The following ZFC3H1 variants were observed in gnomAD, a reference collection of about 807,000 sequenced individuals.
The protein encoded by ZFC3H1 is zinc finger C3H1-type containing.
Under a neutral mutation model 243.7 loss-of-function variants are expected in ZFC3H1, and 71 were observed. The ratio of observed to expected loss-of-function variants is 0.29; its 90% CI spans 0.24 to 0.36. ZFC3H1 has a LOEUF of 0.36. Among genes scored for constraint, ZFC3H1 ranks in the 10% least tolerant of loss-of-function variants. The pLI, the probability that ZFC3H1 is intolerant of heterozygous loss-of-function variation, is 1.00. For synonymous variants in ZFC3H1, 838 were observed against 813.0 expected (o/e 1.03, Z -0.52); for missense variants, 1,966 against 2,317.1 (o/e 0.85, Z 3.11).
chr12:71,656,529 A>G, intron 2 of ZFC3H1: 1 of 662,932 alleles, frequency 1.5e-6, no homozygotes, highest in Non-Finnish European at 2.7e-6. Flanking sequence ...AACCAGGAAT[A>G]GGAGTAAAAC....
chr12:71,659,563 A>G (rs1438900605), intron 1 of ZFC3H1, among the ~76,000 whole-genome samples: 1 of 152,092 alleles, frequency 6.6e-6, no homozygotes, highest in Admixed American at 6.5e-5. Flanking sequence ...AGCCATTTAA[A>G]GGCACAACTG....
chr12:71,662,986 C>T (rs747563489), intron 1 of ZFC3H1, 27 bp downstream of exon 1: 2 of 1,563,896 alleles, frequency 1.3e-6, no homozygotes, highest in Admixed American at 1.8e-5. Flanking sequence ...GTGACACACC[C>T]AGCGCCGACC....
Position 71,663,430 on chromosome 12 carries a change from C to A in ZFC3H1, c.181G>T (p.Ala61Ser). The change falls in exon 1 of 35, where the codon GCC becomes TCC. Residue 61 changes from alanine (A) to serine (S), a missense_variant. Transcript: ENST00000378743. ...CCTCCGCCAGATCCACCGCCCCGGG[C>A]CGAGTGAGGAGGCCTTCGCCGCGGA... ...PYPRRRPPHS[A>S]RGGGSGGGGG... The A allele has an allele frequency of 1.2e-6, 2 of 1,611,918 alleles. No homozygotes were observed. The highest frequency in any genetic ancestry group is 1.7e-6 in the Non-Finnish European group (2 of 1,180,038).
intron 26 of ZFC3H1, 42 bp from the exon 27 acceptor site, chr12:71,619,451 A>G (rs372389408): frequency 1.3e-6 from 2 of 1,566,000 alleles, no homozygotes; most frequent in Admixed American, 1.8e-5. Flanking sequence ...CAGGCTTACA[A>G]TGTTTAATTA....
At chr12:71,657,387 TCC>T in intron 1 of ZFC3H1, 86 bp from the exon 2 acceptor site, 1 of 997,182 alleles carries the variant, frequency 1.0e-6, no homozygotes, top group Non-Finnish European at 1.4e-6. Context: ...ATGAATTTTC[TCC>T]CTTTTTAATT....
At chr12:71,633,551 CAG>C in intron 12 of ZFC3H1, 113 bp from the exon 13 acceptor site, 1 of 776,690 alleles carries the variant, frequency 1.3e-6, no homozygotes, top group Non-Finnish European at 2.0e-6. Flanking sequence ...CTACGAGACA[CAG>C]ATAAAAATGT....
At chr12:71,631,224 A>G (rs1029801489) in intron 16 of ZFC3H1, among the ~76,000 whole-genome samples, 7 of 152,146 alleles carry the variant, frequency 4.6e-5, no homozygotes, top group African/African-American at 1.7e-4. Context: ...ACATAATAAA[A>G]TACTATATAA....
At chr12:71,641,474 G>C (rs1244255492) in intron 6 of ZFC3H1, among the ~76,000 whole-genome samples, 2 of 152,174 alleles carry the variant, frequency 1.3e-5, no homozygotes, top group African/African-American at 4.8e-5. Flanking sequence ...TCCAGTTCCT[G>C]GAATGCCAAC....
Position 71,610,548 on chromosome 12 carries a change from T to A in ZFC3H1, c.5850A>T (p.Ala1950=). 1 of 1,613,470 alleles carries A rather than the reference T, an allele frequency of 6.2e-7. No individual in the cohort carries two copies. Among genetic ancestry groups the A allele is most frequent in the Non-Finnish European group, 8.5e-7 (1 of 1,179,590 alleles). Residue 1950 remains alanine, a synonymous_variant, in exon 35 of 35, where the codon GCA becomes GCT. Coordinates refer to ENST00000378743, the MANE Select transcript of ZFC3H1 (RefSeq NM_144982.5). ...GGTTATCAGTTTTACCTCCTTCTGATGCTTCAAACAAGAGTTGCTGTAAAA... is the reference window on the plus strand; with the variant it reads ...GGTTATCAGTTTTACCTCCTTCTGAAGCTTCAAACAAGAGTTGCTGTAAAA... ...SLWKDQLLFE[A]SEGGKTDNLR...
chr12:71,656,415 T>G, intron 2 of ZFC3H1: 1 of 563,944 alleles, frequency 1.8e-6, no homozygotes, highest in Non-Finnish European at 3.1e-6. Flanking sequence ...AAATAAATTA[T>G]ATAATTCATT....
Position 71,634,827 on chromosome 12 carries a change from TAAAA to T in ZFC3H1, c.2239-6_2239-3del. On this transcript the variant is annotated splice_polypyrimidine_tract_variant and splice_region_variant and intron_variant, in intron 10 of 34. Coordinates refer to ENST00000378743, the MANE Select transcript of ZFC3H1 (RefSeq NM_144982.5). The stretch of plus-strand genomic sequence containing the variant: ...AGGTACTTTCGGTTTTGAAGCTTGC[TAAAA>T]AAAAAAAAACATTTGAAGTCAACTA... 1 of 1,402,898 alleles carries T rather than the reference TAAAA, an allele frequency of 7.1e-7. No homozygotes were observed. 86.9% of individuals were successfully genotyped at this position (1,402,898 alleles called of 1,614,324 possible).
At chr12:71,615,375 ACAT>A in intron 27 of ZFC3H1, 59 bp from the exon 28 acceptor site, 1 of 1,109,224 alleles carries the variant, frequency 9.0e-7, no homozygotes, top group Non-Finnish European at 1.3e-6. Flanking sequence ...GGAATTACAC[ACAT>A]ATTTTTTAAA....
chr12:71,658,809 G>A (rs1189605361), intron 1 of ZFC3H1, among the ~76,000 whole-genome samples: 1 of 152,066 alleles, frequency 6.6e-6, no homozygotes, highest in Non-Finnish European at 1.5e-5. Context: ...GTAAATCTCT[G>A]GTTCTCTGAT....
Position 71,663,725 on chromosome 12 carries a change from G to C in ZFC3H1, c.-115C>G. The C allele has an allele frequency of 1.6e-6, 2 of 1,286,262 alleles. No individual in the cohort carries two copies. Among genetic ancestry groups the C allele is most frequent in the Admixed American group, 2.2e-5 (1 of 45,332 alleles). The allele number at this position is 1,286,262 out of a possible 1,614,324, so 79.7% of individuals were successfully genotyped here. On this transcript the variant is annotated 5_prime_UTR_variant, in exon 1 of 35. Transcript: ENST00000378743. ...GGGTCGGTGCGGTCTTACCCTACTC[G>C]GACACCAAGCGGCCTCTGCTCCCCA...
chr12:71,640,125 G>A (rs55775128), intron 6 of ZFC3H1, among the ~76,000 whole-genome samples: 2,207 of 152,234 alleles, frequency 0.014, 25 homozygotes, highest in Non-Finnish European at 0.024. Context: ...AGGTTCAAGC[G>A]ATTCTCCTGC....
At chr12:71,624,052 C>A (rs1880097040) in intron 23 of ZFC3H1, 52 bp downstream of exon 23, 6 of 1,530,934 alleles carry the variant, frequency 3.9e-6, no homozygotes, top group Non-Finnish European at 4.4e-6. Context: ...ACGGTGTAGA[C>A]CTTTTAAACT....
At chr12:71,650,523 C>T (rs1880857018) in intron 2 of ZFC3H1, among the ~76,000 whole-genome samples, 1 of 152,054 alleles carries the variant, frequency 6.6e-6, no homozygotes, top group Admixed American at 6.6e-5. Flanking sequence ...GCCAAAGTCA[C>T]CAGCACACAG....
rs180798100 is a variant in ZFC3H1 at position 71,610,453 on chromosome 12, T to C, written c.5945A>G (p.Asn1982Ser). 6.2e-7 allele frequency: 1 copy of C among 1,613,330 alleles called. No individual in the cohort carries two copies. The highest frequency in any genetic ancestry group is 1.3e-5 in the African/African-American group (1 of 74,898). Reference protein sequence around the residue: ...SLNELLNLNSNKTESKNH With the variant: ...SLNELLNLNSSKTESKNH ...TCAGTGATTCTTGCTTTCTGTTTTG[T>C]TACTGTTTAAATTTAAGAGCTCATT... Residue 1982 changes from asparagine to serine, a missense_variant, in exon 35 of 35, where the codon AAC becomes AGC. Asn to Ser is a conservative substitution (Grantham distance 46). This residue lies in a region of ZFC3H1 where 1,383 missense variants were observed against 1,723.7 expected (regional missense o/e 0.80). Coordinates refer to ENST00000378743, the MANE Select transcript of ZFC3H1 (RefSeq NM_144982.5).
intron 30 of ZFC3H1, 120 bp from the exon 31 acceptor site, chr12:71,613,555 T>C: frequency 1.7e-6 from 1 of 573,804 alleles, no homozygotes; most frequent in South Asian, 2.6e-5. Context: ...ATTATAATAA[T>C]GTATGATGTT....
Sources: allele counts gnomAD v4.1 joint callset (sites outside exome capture counted in the v4.1 genomes callset), GRCh38; gene constraint gnomAD v4.1.1; regional missense constraint gnomAD v4.1.1; transcripts MANE v1.5; gene names NCBI Gene and HGNC (gene_info 2026-07-23, HGNC 2026-07-21).